Variants in RP1 observed in about 807,000 individuals in gnomAD.
RP1 encodes RP1 axonemal microtubule associated, also known as oxygen-regulated protein 1.
A neutral mutation model predicts 14.8 loss-of-function variants in RP1; 16 were observed. The observed-to-expected ratio is 1.08, with a 90% CI of 0.73 to 1.65. The LOEUF (loss-of-function observed/expected upper bound fraction) is 1.65, where lower values mean the gene tolerates loss of function less well. Ranked by LOEUF, RP1 falls within the 40% of genes most tolerant of loss-of-function variation. The pLI is 0.00. For missense variants in RP1, 2,631 were observed against 2,535.0 expected, an observed-to-expected ratio of 1.04 and a Z score of -0.81; for synonymous variants, 876 against 883.6, an observed-to-expected ratio of 0.99 and a Z score of 0.15.
At chr8:54,651,009 A>C (rs1048582779) in intron 4 of RP1, among the ~76,000 whole-genome samples, 1 of 151,636 alleles carries the variant, frequency 6.6e-6, no homozygotes, top group African/African-American at 2.4e-5. Context: ...ATTTTGTCAA[A>C]TGTGCATGTG....
chr8:54,626,174 T>C lies in RP1; in HGVS notation c.2292T>C (p.Thr764=), dbSNP rs371081739. ...SKNFHRNKLN[T]TQNSKVQGLL... is the part of the protein sequence containing the mutation. ...ATTTCCATAGAAATAAATTAAATACTACTCAAAATTCCAAGGTTCAAGGAC... is the reference window on the plus strand; with the variant it reads ...ATTTCCATAGAAATAAATTAAATACCACTCAAAATTCCAAGGTTCAAGGAC... Residue 764 remains threonine, a synonymous_variant, in exon 4 of 4, where the codon ACT becomes ACC. Coordinates refer to ENST00000220676, the MANE Select transcript of RP1 (RefSeq NM_006269.2). 7 of 1,611,310 alleles carry C rather than the reference T, an allele frequency of 4.3e-6. No homozygotes were observed. In the African/African-American group the frequency reaches 8.0e-5, roughly 18 times the overall value.
At chr8:54,734,671 T>A in exon 18 of RP1, 5 of 1,535,416 alleles carry the variant, frequency 3.3e-6, no homozygotes, top group Non-Finnish European at 4.4e-6. Context: ...GATAAAGGAG[T>A]CACTGGGCCA....
Position 54,747,385 on chromosome 8 carries a change from C to T in RP1, c.2809-7418C>T, listed in dbSNP as rs556370797. Among the ~76,000 whole-genome samples, 260 of 152,322 alleles carry T rather than the reference C, an allele frequency of 1.7e-3. 2 individuals are homozygous for T. The highest frequency in any genetic ancestry group is 3.2e-3 in the Non-Finnish European group (216 of 68,034). ...CCACATTTGCTCTTGATCACATCAG[C>T]ATGGTTTATTTTCTTTATAACACAT... On this transcript the variant is annotated intron_variant, in intron 19 of 22. Coordinates refer to the RP1 transcript ENST00000636932.
intron 1 of RP1, among the ~76,000 whole-genome samples, chr8:54,598,032 A>G (rs1194514745): frequency 6.6e-6 from 1 of 152,128 alleles, no homozygotes; most frequent in Non-Finnish European, 1.5e-5. Context: ...CACTATCGTT[A>G]ACCCCTGCCA....
Position 54,673,630 on chromosome 8 carries a change from C to T in RP1, c.1324-220C>T, listed in dbSNP as rs139915618. On this transcript the variant is annotated intron_variant, in intron 7 of 22. Transcript: ENST00000636932. ...TGGCACATGCCTGTAATACCAGATA[C>T]TCAGGAGGCTGAAGTAGGAGGATCA... 5.1e-3 allele frequency among the ~76,000 whole-genome samples: 770 copies of T among 152,180 alleles called. 6 individuals carry two copies. The highest frequency in any genetic ancestry group is 0.015 in the African/African-American group (643 of 41,524).
intron 12 of RP1, among the ~76,000 whole-genome samples, chr8:54,694,798 G>T (rs567479947): frequency 2.0e-4 from 31 of 152,068 alleles, no homozygotes; most frequent in African/African-American, 7.2e-4. Context: ...TTTTTATAGG[G>T]TTTTTTGTGT....
At chr8:54,802,604 A>G (rs1810739923) in intron 24 of RP1, among the ~76,000 whole-genome samples, 2 of 152,180 alleles carry the variant, frequency 1.3e-5, no homozygotes, top group South Asian at 2.1e-4. Flanking sequence ...TCTGAAAGGT[A>G]AGGTCTTCAA....
intron 25 of RP1, among the ~76,000 whole-genome samples, chr8:54,843,589 C>T (rs1208264318): frequency 2.0e-5 from 3 of 152,172 alleles, no homozygotes; most frequent in Non-Finnish European, 4.4e-5. Flanking sequence ...AATGTGATCT[C>T]ACCACAATGA....
At chr8:54,644,394 T>G (rs982053841) in intron 3 of RP1, among the ~76,000 whole-genome samples, 1 of 152,168 alleles carries the variant, frequency 6.6e-6, no homozygotes, top group East Asian at 1.9e-4. Context: ...TTGTCCCATC[T>G]CTGTTTCTTT....
chr8:54,647,060 A>G (rs1806566175), intron 3 of RP1, among the ~76,000 whole-genome samples: 1 of 152,200 alleles, frequency 6.6e-6, no homozygotes, highest in Admixed American at 6.5e-5. Flanking sequence ...GTAGCCTAAC[A>G]TGGCTTTCCA....
In RP1 at chr8:54,626,938, C is replaced by A. The variant is rs751854236; in HGVS notation, c.3056C>A (p.Pro1019His). 3.2e-5 allele frequency: 52 copies of A among 1,613,726 alleles called. No individual in the cohort carries two copies. The highest frequency in any genetic ancestry group is 4.2e-5 in the Non-Finnish European group (50 of 1,179,960). ...TCTCTGAATGATGCTTATTTGGTTC[C>A]CCTGCATGAACACTGTACTTTGTCA... is the stretch of plus-strand genomic sequence containing the variant. ...VGSLNDAYLV[P>H]LHEHCTLSQS... is the part of the protein sequence containing the mutation. Residue 1019 changes from proline to histidine, a missense_variant, in exon 4 of 4, where the codon CCC (proline) becomes CAC (histidine). By Grantham distance (77) the Pro-to-His change is moderately conservative. Coordinates refer to ENST00000220676, the MANE Select transcript of RP1 (RefSeq NM_006269.2).
At chr8:54,850,287 T>C (rs1028290430) in intron 25 of RP1, among the ~76,000 whole-genome samples, 1 of 152,190 alleles carries the variant, frequency 6.6e-6, no homozygotes, top group African/African-American at 2.4e-5. Context: ...TCAGGTAAAA[T>C]GATCTCCATT....
intron 19 of RP1, among the ~76,000 whole-genome samples, chr8:54,741,973 A>G (rs917574202): frequency 6.6e-6 from 1 of 151,608 alleles, no homozygotes; most frequent in African/African-American, 2.4e-5. Context: ...TTAATATCCT[A>G]TTTTACATAT....
chr8:54,859,844 T>C (rs896144087), intron 27 of RP1, among the ~76,000 whole-genome samples: 16 of 152,176 alleles, frequency 1.1e-4, no homozygotes, highest in African/African-American at 3.9e-4. Context: ...GGATAGCTAG[T>C]TACAGTCAGA....
At chr8:54,725,536 C>T (rs886156889) in intron 16 of RP1, among the ~76,000 whole-genome samples, 14 of 152,198 alleles carry the variant, frequency 9.2e-5, no homozygotes, top group Middle Eastern at 3.2e-3. Flanking sequence ...TTCTACTAAG[C>T]ATACCTTTGA....
chr8:54,738,031 A>T (rs980781786), intron 18 of RP1, among the ~76,000 whole-genome samples: 1 of 152,192 alleles, frequency 6.6e-6, no homozygotes, highest in Non-Finnish European at 1.5e-5. Flanking sequence ...ATATTTTATT[A>T]TACTAAAAAT....
upstream of RP1, among the ~76,000 whole-genome samples, chr8:54,615,532 G>A (rs1390426343): frequency 6.6e-6 from 1 of 152,188 alleles, no homozygotes; most frequent in South Asian, 2.1e-4. Context: ...AAGGGAAGCA[G>A]TGGAAGCGTG....
At chr8:54,641,512 T>C (rs1485035489) in intron 3 of RP1, among the ~76,000 whole-genome samples, 4 of 152,206 alleles carry the variant, frequency 2.6e-5, no homozygotes, top group African/African-American at 9.6e-5. Context: ...TCTCAACTTT[T>C]TTTTCTGTTA....
At chr8:54,601,085 C>T (rs1252483344) in intron 1 of RP1, among the ~76,000 whole-genome samples, 3 of 152,118 alleles carry the variant, frequency 2.0e-5, no homozygotes, top group East Asian at 3.9e-4. Context: ...CTAATCTGAC[C>T]ATTTCGTTTT....
Sources: gnomAD v4.1 joint callset for allele counts (sites outside exome capture counted in the v4.1 genomes callset) on GRCh38, gnomAD v4.1.1 for gene constraint, MANE v1.5 for transcripts, NCBI Gene and HGNC (gene_info 2026-07-23, HGNC 2026-07-21) for gene names.